Variants in KLF7 observed in about 807,000 individuals in gnomAD.
KLF7 encodes KLF transcription factor 7, also known as Krueppel-like factor 7.
In KLF7, 2 loss-of-function variants were observed where a neutral mutation model predicts 27.3. That is an observed-to-expected ratio of 0.07 (90% confidence interval 0.03 to 0.23). The LOEUF (loss-of-function observed/expected upper bound fraction) is 0.23. Among genes scored for constraint, KLF7 ranks in the 10% least tolerant of loss-of-function variants. The pLI, the probability that KLF7 is intolerant of heterozygous loss-of-function variation, is 1.00. For synonymous variants in KLF7, 165 were observed against 162.4 expected (o/e 1.02, Z -0.12); for missense variants, 221 against 394.1 (o/e 0.56, Z 3.72).
At chr2:207,092,633 T>C (rs1384408350) in intron 2 of KLF7, among the ~76,000 whole-genome samples, 30 of 152,186 alleles carry the variant, frequency 2.0e-4, no homozygotes, top group Admixed American at 2.0e-3. Flanking sequence ...TCCCACAAAA[T>C]TCATCTGAAA....
intron 1 of KLF7, among the ~76,000 whole-genome samples, chr2:207,134,436 C>A (rs941929280): frequency 6.6e-6 from 1 of 152,036 alleles, no homozygotes; most frequent in South Asian, 2.1e-4. Flanking sequence ...ATAGAGGATG[C>A]TTTCAAAACG....
At chr2:207,095,560 T>C (rs1200867822) in intron 2 of KLF7, among the ~76,000 whole-genome samples, 1 of 152,234 alleles carries the variant, frequency 6.6e-6, no homozygotes, top group African/African-American at 2.4e-5. Flanking sequence ...TTGTGTTCAA[T>C]ATAGTAGCCA....
chr2:207,093,259 G>A (rs1166565770), intron 2 of KLF7, among the ~76,000 whole-genome samples: 4 of 152,182 alleles, frequency 2.6e-5, no homozygotes, highest in Non-Finnish European at 4.4e-5. Flanking sequence ...AAGTGTAAAA[G>A]TTCCAATGGT....
Position 207,128,500 on chromosome 2 carries a change from A to G in KLF7, c.103-4096T>C, listed in dbSNP as rs140762569. ...CTAGTAGAAAGATCTATGATGAGAA[A>G]CAAGGTATCTGCCTAGTTTCAAAGT... On this transcript the variant is annotated intron_variant, in intron 1 of 3. Transcript: ENST00000309446. Among the ~76,000 whole-genome samples, 793 of 152,332 alleles carry G rather than the reference A, an allele frequency of 5.2e-3. 14 individuals are homozygous for G. The highest frequency in any genetic ancestry group is 0.018 in the African/African-American group (768 of 41,578).
intron 1 of KLF7, among the ~76,000 whole-genome samples, chr2:207,130,126 T>C (rs2077585282): frequency 9.1e-6 from 1 of 109,380 alleles, no homozygotes; most frequent in Non-Finnish European, 2.1e-5. Context: ...CTACGACCCT[T>C]ACCTAAAGGG....
intron 2 of KLF7, among the ~76,000 whole-genome samples, chr2:207,109,077 T>G (rs2076959187): frequency 6.6e-6 from 1 of 152,250 alleles, no homozygotes; most frequent in Non-Finnish European, 1.5e-5. Context: ...CTATTTGCTA[T>G]TTCTCATCAA....
At chr2:207,110,931 G>A (rs1199960727) in intron 2 of KLF7, among the ~76,000 whole-genome samples, 90 of 152,160 alleles carry the variant, frequency 5.9e-4, no homozygotes, top group Non-Finnish European at 1.5e-5. Context: ...CTCAACCTTG[G>A]CACTGTTGAC....
At chr2:207,146,422 T>C (rs369944974) in intron 1 of KLF7, among the ~76,000 whole-genome samples, 65 of 152,312 alleles carry the variant, frequency 4.3e-4, no homozygotes, top group African/African-American at 1.5e-3. Flanking sequence ...TTTGCCCCCT[T>C]CCCCTGAGTC....
At chr2:207,122,762 A>G (rs569632881) in intron 2 of KLF7, among the ~76,000 whole-genome samples, 7 of 152,286 alleles carry the variant, frequency 4.6e-5, no homozygotes, top group Non-Finnish European at 1.0e-4. Flanking sequence ...TTTCTCTCCA[A>G]GAATGCTTTT....
rs1208243678 is a variant in KLF7 at position 207,135,371 on chromosome 2, T to C, written c.103-10967A>G. ...AGAAAGTGGTCTTTGAACCCTCCTC[T>C]GACAGGGACCTCAAGGCCTTTATTA... On this transcript the variant is annotated intron_variant, in intron 1 of 3. Coordinates refer to ENST00000309446, the MANE Select transcript of KLF7 (RefSeq NM_003709.4). Among the ~76,000 whole-genome samples the C allele has an allele frequency of 2.0e-5, 3 of 152,300 alleles. No homozygotes were observed. In the East Asian group the frequency reaches 5.8e-4, roughly 29 times the overall value.
intron 2 of KLF7, among the ~76,000 whole-genome samples, chr2:207,120,274 T>C (rs1452261486): frequency 1.3e-5 from 2 of 152,116 alleles, no homozygotes; most frequent in Non-Finnish European, 2.9e-5. Flanking sequence ...AGGAAAAAAA[T>C]GCATATCTTT....
intron 3 of KLF7, among the ~76,000 whole-genome samples, chr2:207,087,069 T>A (rs1186662770): frequency 6.6e-6 from 1 of 152,222 alleles, no homozygotes; most frequent in Non-Finnish European, 1.5e-5. Context: ...GAGCATACTC[T>A]GTAGAAGACA....
chr2:207,155,226 T>G (rs1574582464), intron 1 of KLF7, among the ~76,000 whole-genome samples: 1 of 152,192 alleles, frequency 6.6e-6, no homozygotes, highest in South Asian at 2.1e-4. Flanking sequence ...TGGATACAGG[T>G]GCTCAAATGA....
At chr2:207,149,062 C>T in intron 1 of KLF7, 1 of 1,204,812 alleles carries the variant, frequency 8.3e-7, no homozygotes, top group South Asian at 1.5e-5. Context: ...CTGTGTTCCA[C>T]CTAAAGGATG....
chr2:207,113,608 G>C (rs1452821255), intron 2 of KLF7, among the ~76,000 whole-genome samples: 2 of 22,070 alleles, frequency 9.1e-5, no homozygotes, highest in East Asian at 8.8e-3. Flanking sequence ...AATGGGGGGT[G>C]GGGGGGGGGG....
chr2:207,120,760 C>A (rs957610611), intron 2 of KLF7: 1 of 152,324 alleles, frequency 6.6e-6, no homozygotes, highest in Non-Finnish European at 1.5e-5. Context: ...CATCTCCATA[C>A]ACCTTTGCCC....
chr2:207,110,508 T>C (rs2077006233), intron 2 of KLF7, among the ~76,000 whole-genome samples: 1 of 152,178 alleles, frequency 6.6e-6, no homozygotes, highest in Admixed American at 6.5e-5. Context: ...CTAGGCCCAT[T>C]TCCTGGCAAA....
chr2:207,123,877 T>A lies in KLF7; in HGVS notation c.630A>T (p.Ala210=). The A allele has an allele frequency of 1.2e-6, 2 of 1,613,940 alleles. No individual in the cohort carries two copies. Among genetic ancestry groups the A allele is most frequent in the Non-Finnish European group, 8.5e-7 (1 of 1,180,020 alleles). ...GAACCCTCTTCTTGTTTTCGGGACA[T>A]GCTTCAGCCCCCAGCCCTCCTTGGT... ...DSDQGGLGAE[A]CPENKKRVHR... is the part of the protein sequence containing the mutation. Residue 210 remains alanine, a synonymous_variant, in exon 2 of 4, where the codon GCA becomes GCT. Transcript: ENST00000309446.
chr2:207,102,922 G>A (rs981180836), intron 2 of KLF7, among the ~76,000 whole-genome samples: 2 of 152,066 alleles, frequency 1.3e-5, no homozygotes, highest in African/African-American at 4.8e-5. Flanking sequence ...GCAATGTCAA[G>A]CTGTACTTTT....
Sources: allele counts gnomAD v4.1 joint callset (sites outside exome capture counted in the v4.1 genomes callset), GRCh38; gene constraint gnomAD v4.1.1; transcripts MANE v1.5; gene names NCBI Gene and HGNC (gene_info 2026-07-23, HGNC 2026-07-21).